LCTL: variants seen among roughly 807,000 people sequenced by gnomAD.
LCTL encodes the protein lactase-like protein.
Under a neutral mutation model 75.8 loss-of-function variants are expected in LCTL, and 76 were observed. The ratio of observed to expected loss-of-function variants is 1.00; its 90% CI spans 0.83 to 1.21. LCTL has a LOEUF of 1.21. Among genes scored for constraint, LCTL ranks in the 50% most tolerant of loss-of-function variants. The probability of loss-of-function intolerance (pLI) is 0.00; values close to 1 mark genes in which losing one functional copy is unlikely to be tolerated. For missense variants in LCTL, 670 were observed against 712.4 expected (o/e 0.94, Z 0.68); for synonymous variants, 271 against 268.8 (o/e 1.01, Z -0.08).
chr15:66,561,074 C>G (rs772336626), exon 6 of LCTL: 1 of 1,614,204 alleles, frequency 6.2e-7, no homozygotes, highest in Non-Finnish European at 8.5e-7. Context: ...GCATGGTGGC[C>G]CGTCTCATAG....
chr15:66,552,260 A>G (rs541530349), intron 9 of LCTL, 91 bp from the exon 11 acceptor site: 83 of 988,292 alleles, frequency 8.4e-5, no homozygotes, highest in Admixed American at 1.7e-4. Flanking sequence ...CACATATTCA[A>G]GCCTGCCACA....
At chr15:66,565,212 A>G in intron 1 of LCTL, 36 bp downstream of exon 2, 1 of 1,407,144 alleles carries the variant, frequency 7.1e-7, no homozygotes, top group Non-Finnish European at 1.0e-6. Flanking sequence ...GGTGGACGAC[A>G]GACAGGCAGA....
At chr15:66,548,152 T>C (rs1337689571) in exon 13 of LCTL, 1 of 170,250 alleles carries the variant, frequency 5.9e-6, no homozygotes, top group East Asian at 1.5e-4. Context: ...ATTAAAGTAA[T>C]ATTTCTGGAC....
chr15:66,555,147 A>G (rs989059175), intron 8 of LCTL, among the ~76,000 whole-genome samples: 1 of 152,218 alleles, frequency 6.6e-6, no homozygotes. Flanking sequence ...CATAAAGCAA[A>G]TAAAATATTG....
chr15:66,551,345 CAAAAAAAAAA>C (rs67322943), intron 11 of LCTL, among the ~76,000 whole-genome samples: 659 of 50,590 alleles, frequency 0.013, 14 homozygotes, highest in African/African-American at 0.045. Context: ...GATTCTGTCT[CAAAAAAAAAA>C]AAAAAAAAAA....
chr15:66,563,692 G>A, intron 3 of LCTL, 67 bp from the exon 5 acceptor site: 1 of 1,203,408 alleles, frequency 8.3e-7, no homozygotes, highest in Non-Finnish European at 1.2e-6. Flanking sequence ...CTTCTGGAGT[G>A]CAGCATTCCT....
intron 8 of LCTL, among the ~76,000 whole-genome samples, chr15:66,555,107 TTG>T (rs753476741): frequency 4.6e-5 from 7 of 152,158 alleles, no homozygotes; most frequent in Non-Finnish European, 8.8e-5. Flanking sequence ...AATACAAAGT[TTG>T]TGTTATTAAA....
At chr15:66,561,394 C>G (rs1895885732) in intron 4 of LCTL, 79 bp from the exon 6 acceptor site, 1 of 1,527,972 alleles carries the variant, frequency 6.5e-7, no homozygotes, top group African/African-American at 1.4e-5. Flanking sequence ...TGTGACAGTC[C>G]TCAGACAAAC....
chr15:66,559,813 G>A lies in LCTL; in HGVS notation c.705+1193C>T, dbSNP rs73474179. On this transcript the variant is annotated intron_variant, in intron 6 of 12. Coordinates refer to ENST00000341509, the Ensembl canonical transcript of LCTL. Reference sequence around the variant, plus strand: ...TATTAAAAATATCTTGAGGCGGGGCGCTATGGCGCATGCCTACAATCTCAG... The same window carrying A: ...TATTAAAAATATCTTGAGGCGGGGCACTATGGCGCATGCCTACAATCTCAG... 2.1e-3 allele frequency among the ~76,000 whole-genome samples: 327 copies of A among 152,276 alleles called. 3 individuals carry two copies. Among genetic ancestry groups the A allele is most frequent in the African/African-American group, 7.4e-3 (306 of 41,554 alleles).
chr15:66,551,755 T>G (rs1240044918), exon 11 of LCTL: 6 of 1,613,814 alleles, frequency 3.7e-6, no homozygotes, highest in African/African-American at 1.3e-5. Context: ...TGTCGTTAAA[T>G]TCAACATAGT....
At chr15:66,550,139 T>G in intron 11 of LCTL, 35 bp from the exon 13 acceptor site, 1 of 1,381,674 alleles carries the variant, frequency 7.2e-7, no homozygotes, top group Non-Finnish European at 1.0e-6. Flanking sequence ...AATGTTGTCT[T>G]AGACTAATTT....
At chr15:66,562,415 A>C (rs1485203025) in intron 4 of LCTL, among the ~76,000 whole-genome samples, 3 of 151,912 alleles carry the variant, frequency 2.0e-5, no homozygotes, top group African/African-American at 4.8e-5. Context: ...AAAAAAAAAA[A>C]AACAAAAGAA....
intron 8 of LCTL, among the ~76,000 whole-genome samples, chr15:66,557,094 T>G (rs1342854511): frequency 6.6e-6 from 1 of 152,100 alleles, no homozygotes; most frequent in African/African-American, 2.4e-5. Flanking sequence ...ATGGGCTAAC[T>G]GAAGGTGCCA....
At chr15:66,549,986 T>C in intron 12 of LCTL, 55 bp downstream of exon 13, 2 of 1,173,678 alleles carry the variant, frequency 1.7e-6, no homozygotes, top group Non-Finnish European at 2.4e-6. Context: ...GAAAATGATA[T>C]GTATAATTAT....
rs951753956 is a variant in LCTL, at chr15:66,556,307, T to A, written c.922+1415A>T. Reference sequence around the variant, plus strand: ...ATATGATATATACAGACAATGGAAATTTTTTTTTCTTTTTCGAGATGGAGT... The same window carrying A: ...ATATGATATATACAGACAATGGAAAATTTTTTTTCTTTTTCGAGATGGAGT... On this transcript the variant is annotated intron_variant, in intron 8 of 12. Coordinates refer to ENST00000341509, the Ensembl canonical transcript of LCTL. Among the ~76,000 whole-genome samples the A allele has an allele frequency of 2.0e-5, 3 of 151,786 alleles. No individual in the cohort carries two copies. In the East Asian group the frequency reaches 5.8e-4, roughly 29 times the overall value.
Position 66,563,529 on chromosome 15 carries a change from C to T in LCTL, c.467G>A (p.Trp156Ter), listed in dbSNP as rs775196259. 6.2e-7 allele frequency: 1 copy of T among 1,611,712 alleles called. No homozygotes were observed. The highest frequency in any genetic ancestry group is 8.5e-7 in the Non-Finnish European group (1 of 1,179,224). ...TCAGGTCCTCACCTGTGGCAGATCC[C>T]AGTGGTGCAAGGTCACGATGGGAGT... The change falls in exon 4 of 13, where the codon TGG becomes TAG. Residue 156 changes from tryptophan (W) to a stop codon, truncating the protein, a stop_gained. Transcript: ENST00000341509. LOFTEE classifies it high-confidence loss of function.
intron 8 of LCTL, among the ~76,000 whole-genome samples, chr15:66,555,736 TA>T (rs1895725760): frequency 6.6e-6 from 1 of 151,950 alleles, no homozygotes; most frequent in African/African-American, 2.4e-5. Context: ...AGCAACAGAA[TA>T]AAAAACCCAC....
intron 2 of LCTL, chr15:66,564,371 G>A (rs1895969255): frequency 6.4e-6 from 3 of 469,692 alleles, no homozygotes; most frequent in East Asian, 7.8e-5. Flanking sequence ...CACTGTGGCT[G>A]TAGGCCCTGA....
At position 66,550,021 on chromosome 15, in the gene LCTL, A is replaced by G. The variant is rs556525787; in HGVS notation, c.1588+20T>C. The stretch of plus-strand genomic sequence containing the variant: ...TTTAGTTTAATTATTAAAGGAAAAC[A>G]TTGAAATATACTGACTCACCTGCAG... On this transcript the variant is annotated intron_variant, in intron 12 of 12. Coordinates refer to ENST00000341509, the Ensembl canonical transcript of LCTL. 10 of 1,534,902 alleles carry G rather than the reference A, an allele frequency of 6.5e-6. No individual in the cohort carries two copies. Among genetic ancestry groups the G allele is most frequent in the African/African-American group, 4.2e-5 (3 of 71,836 alleles).
Sources: allele counts gnomAD v4.1 joint callset (sites outside exome capture counted in the v4.1 genomes callset), GRCh38; gene constraint gnomAD v4.1.1; transcripts MANE v1.5; gene names NCBI Gene and HGNC (gene_info 2026-07-23, HGNC 2026-07-21).